Variants in LRBA observed in about 807,000 individuals in gnomAD.
LRBA encodes the protein lipopolysaccharide-responsive and beige-like anchor protein.
Under a neutral mutation model 330.0 loss-of-function variants are expected in LRBA, and 176 were observed. That is an observed-to-expected ratio of 0.53 (90% confidence interval 0.47 to 0.60). The LOEUF (loss-of-function observed/expected upper bound fraction) is 0.60. LRBA is among the 20% of genes least tolerant of loss of function. LRBA has a pLI of 0.00. For synonymous variants in LRBA, 1,230 were observed against 1,193.0 expected, an observed-to-expected ratio of 1.03 and a Z score of -0.64; for missense variants, 3,259 against 3,444.8, an observed-to-expected ratio of 0.95 and a Z score of 1.35.
intron 44 of LRBA, among the ~76,000 whole-genome samples, chr4:150,463,221 G>T (rs563864984): frequency 1.3e-5 from 2 of 151,864 alleles, no homozygotes; most frequent in African/African-American, 4.8e-5. Flanking sequence ...ACTACCATTG[G>T]TTTATAGGAA....
chr4:150,701,868 T>C (rs1785157039), intron 36 of LRBA, among the ~76,000 whole-genome samples: 1 of 152,122 alleles, frequency 6.6e-6, no homozygotes, highest in Admixed American at 6.6e-5. Flanking sequence ...GGGAGGAATG[T>C]GGGAAGAGAA....
intron 30 of LRBA, among the ~76,000 whole-genome samples, chr4:150,825,943 T>C (rs978633700): frequency 1.3e-5 from 2 of 152,154 alleles, no homozygotes; most frequent in African/African-American, 4.8e-5. Flanking sequence ...TTGGCAAAGT[T>C]GTCACTGCAG....
intron 53 of LRBA, among the ~76,000 whole-genome samples, chr4:150,289,525 G>T (rs17588356): frequency 0.19 from 28,973 of 152,120 alleles, 3,559 homozygotes; most frequent in East Asian, 0.28. Context: ...CAGGTAACCA[G>T]TTTTACAGTC....
intron 37 of LRBA, among the ~76,000 whole-genome samples, chr4:150,645,636 G>A (rs1290689729): frequency 6.6e-6 from 1 of 151,852 alleles, no homozygotes; most frequent in Non-Finnish European, 1.5e-5. Flanking sequence ...TAATGTAACG[G>A]TATGCTAAAA....
intron 2 of LRBA, among the ~76,000 whole-genome samples, chr4:150,955,617 C>T (rs569804776): frequency 2.7e-5 from 4 of 148,276 alleles, no homozygotes; most frequent in South Asian, 2.1e-4. Context: ...GTAGGCCGGG[C>T]GCCGTGGCTC....
chr4:150,641,543 A>C (rs1044308317), intron 37 of LRBA, among the ~76,000 whole-genome samples: 1 of 152,156 alleles, frequency 6.6e-6, no homozygotes, highest in African/African-American at 2.4e-5. Flanking sequence ...CACAGTTAAA[A>C]TAGGAGAATA....
chr4:150,764,449 A>G (rs1735490014), intron 34 of LRBA, among the ~76,000 whole-genome samples: 1 of 152,094 alleles, frequency 6.6e-6, no homozygotes, highest in South Asian at 2.1e-4. Flanking sequence ...GCAAGGTTAC[A>G]GGATACAAGG....
At chr4:150,938,931 A>C (rs1370830335) in intron 2 of LRBA, among the ~76,000 whole-genome samples, 6 of 152,236 alleles carry the variant, frequency 3.9e-5, no homozygotes, top group Admixed American at 6.5e-5. Flanking sequence ...ATTAAAAAAT[A>C]TATATTATCT....
intron 22 of LRBA, among the ~76,000 whole-genome samples, chr4:150,855,365 A>G (rs1394204032): frequency 6.6e-6 from 1 of 152,204 alleles, no homozygotes; most frequent in Non-Finnish European, 1.5e-5. Context: ...AGCAAGTTAC[A>G]TATTACCAAC....
At chr4:150,448,406 T>A (rs543888173) in intron 44 of LRBA, among the ~76,000 whole-genome samples, 121 of 152,262 alleles carry the variant, frequency 7.9e-4, no homozygotes, top group African/African-American at 2.9e-3. Context: ...GACAACCAAA[T>A]GAAGTAAATT....
chr4:150,317,266 T>C (rs2126907142), intron 50 of LRBA, among the ~76,000 whole-genome samples: 1 of 152,300 alleles, frequency 6.6e-6, no homozygotes, highest in East Asian at 1.9e-4. Flanking sequence ...TTAGGAAATC[T>C]ATCTGTCTTT....
chr4:150,482,548 G>C (rs1216756429), intron 42 of LRBA, among the ~76,000 whole-genome samples: 2 of 151,996 alleles, frequency 1.3e-5, no homozygotes, highest in Non-Finnish European at 2.9e-5. Flanking sequence ...TAGGGTAAGA[G>C]ACCTAGAGTG....
chr4:150,293,922 A>G (rs1468096085), intron 53 of LRBA, among the ~76,000 whole-genome samples: 1 of 152,158 alleles, frequency 6.6e-6, no homozygotes, highest in Non-Finnish European at 1.5e-5. Flanking sequence ...TCTTAATAAC[A>G]TTTTCTTTTC....
intron 37 of LRBA, among the ~76,000 whole-genome samples, chr4:150,674,199 T>G (rs1239581809): frequency 6.6e-6 from 1 of 151,618 alleles, no homozygotes; most frequent in Non-Finnish European, 1.5e-5. Flanking sequence ...GTTTTTTTTT[T>G]GCATAAAAAT....
intron 33 of LRBA, among the ~76,000 whole-genome samples, chr4:150,801,772 T>C (rs937005919): frequency 6.6e-6 from 1 of 152,172 alleles, no homozygotes; most frequent in Non-Finnish European, 1.5e-5. Flanking sequence ...ACAGAGATAC[T>C]GTGACCCTTT....
intron 40 of LRBA, among the ~76,000 whole-genome samples, chr4:150,559,592 A>AAT (rs1326371913): frequency 4.4e-4 from 52 of 117,410 alleles, no homozygotes; most frequent in Non-Finnish European, 7.3e-4. Context: ...AAATATTTAT[A>AAT]ATATATAATG....
intron 45 of LRBA, 31 bp from the exon 46 acceptor site, chr4:150,435,739 G>A (rs369389515): frequency 3.8e-5 from 60 of 1,571,422 alleles, no homozygotes; most frequent in Non-Finnish European, 4.7e-5. Flanking sequence ...AAATCCATAT[G>A]TTCCCTCAGG....
At chr4:150,372,281 C>G (rs1338619073) in intron 47 of LRBA, among the ~76,000 whole-genome samples, 1 of 151,982 alleles carries the variant, frequency 6.6e-6, no homozygotes, top group Non-Finnish European at 1.5e-5. Flanking sequence ...GTGCACCAAA[C>G]CACTACACCG....
chr4:150,701,381 C>T (rs113781434), intron 36 of LRBA, among the ~76,000 whole-genome samples: 4 of 152,222 alleles, frequency 2.6e-5, no homozygotes, highest in East Asian at 1.9e-4. Context: ...GTTACACAGT[C>T]GTTTAATATC....
Sources: allele counts gnomAD v4.1 joint callset (sites outside exome capture counted in the v4.1 genomes callset), GRCh38; gene constraint gnomAD v4.1.1; transcripts MANE v1.5; gene names NCBI Gene and HGNC (gene_info 2026-07-23, HGNC 2026-07-21).